Variants in NXF3 observed in about 807,000 individuals in gnomAD.
The protein encoded by NXF3 is nuclear RNA export factor 3, also known as TAP-like protein 3.
In NXF3, 34 loss-of-function variants were observed where a neutral mutation model predicts 48.4. That is an observed-to-expected ratio of 0.70 (90% CI 0.53 to 0.93). The LOEUF (loss-of-function observed/expected upper bound fraction) is 0.93, where lower values mean the gene tolerates loss of function less well. NXF3 is among the 40% of genes least tolerant of loss of function. NXF3 has a pLI of 0.00. For missense variants in NXF3, 359 were observed against 406.1 expected, an observed-to-expected ratio of 0.88 and a Z score of 1.00; for synonymous variants, 132 against 145.7, an observed-to-expected ratio of 0.91 and a Z score of 0.68.
At chrX:103,090,902 G>C (rs1178327189) in intron 1 of NXF3, among the ~76,000 whole-genome samples, 5 of 111,931 alleles carry the variant, frequency 4.5e-5, no homozygotes, top group African/African-American at 1.6e-4. Context: ...GTTTCCTTGG[G>C]ATATGTTCTT....
chrX:103,088,020 A>T (rs756142857), intron 1 of NXF3: 435 of 926,585 alleles, frequency 4.7e-4, no homozygotes, highest in Non-Finnish European at 6.3e-4. Flanking sequence ...ATATTGGTGA[A>T]TCTGAGTAGA....
At chrX:103,086,340 A>G (rs1308003911) in intron 1 of NXF3, among the ~76,000 whole-genome samples, 5 of 109,723 alleles carry the variant, frequency 4.6e-5, no homozygotes, top group African/African-American at 9.9e-5. Flanking sequence ...GGACCCGGGA[A>G]GCAGAGCTTG....
At chrX:103,092,962 A>G (rs1449707566) in intron 1 of NXF3, 34 bp downstream of exon 1, 1 of 1,195,181 alleles carries the variant, frequency 8.4e-7, no homozygotes, top group Non-Finnish European at 1.1e-6. Context: ...GCCCTGTGAG[A>G]CCTGAGACTC....
chrX:103,079,838 T>C lies in NXF3; in HGVS notation c.1085A>G (p.Gln362Arg). ...ATCGTGGTAAGCACTAAGGAGACCC[T>C]GTCGATCTCCAGAGTCATAGATCAA... ...YYLIYDSGDR[Q>R]GLLSAYHDEA... is the part of the protein sequence containing the mutation. Residue 362 changes from glutamine (Q) to arginine (R), a missense_variant, in exon 13 of 20, where the codon CAG becomes CGG. Physicochemically the swap from Gln to Arg is conservative, Grantham distance 43. Coordinates refer to ENST00000395065, the MANE Select transcript of NXF3 (RefSeq NM_022052.2). The C allele has an allele frequency of 8.3e-7, 1 of 1,210,491 alleles. No homozygotes were observed. Among genetic ancestry groups the C allele is most frequent in the Non-Finnish European group, 1.1e-6 (1 of 894,591 alleles).
At chrX:103,085,237 T>C (rs759184816) in intron 1 of NXF3, among the ~76,000 whole-genome samples, 77 of 111,876 alleles carry the variant, frequency 6.9e-4, no homozygotes, top group Non-Finnish European at 1.3e-3. Flanking sequence ...AAGACTTCAC[T>C]GTGGTTTCAC....
rs979044762 is a variant in NXF3, at chrX:103,083,697, G to C, written c.352-5C>G. 1.3e-5 allele frequency: 15 copies of C among 1,182,634 alleles called. No individual in the cohort carries two copies. Among genetic ancestry groups the C allele is most frequent in the African/African-American group, 1.8e-5 (1 of 56,653 alleles). On this transcript the variant is annotated splice_region_variant and splice_polypyrimidine_tract_variant and intron_variant, in intron 3 of 19. Transcript: ENST00000395065. ...GTATTTTATGCCAAAGGGAACCTATGAGTGAAAGAAAGAATGAGTGAGGAA... is the reference window on the plus strand; with the variant it reads ...GTATTTTATGCCAAAGGGAACCTATCAGTGAAAGAAAGAATGAGTGAGGAA...
chrX:103,085,685 C>T (rs1175460773), intron 1 of NXF3, among the ~76,000 whole-genome samples: 9 of 110,048 alleles, frequency 8.2e-5, no homozygotes, highest in East Asian at 2.9e-4. Context: ...AGGTGTATCA[C>T]GAGGTCAGGA....
chrX:103,082,963 C>T (rs2147593451), intron 7 of NXF3, 41 bp downstream of exon 7: 2 of 1,172,217 alleles, frequency 1.7e-6, no homozygotes, highest in Non-Finnish European at 2.3e-6. Flanking sequence ...ACACAGACAC[C>T]TCTGCCCTCA....
chrX:103,090,585 C>T (rs1922249718), intron 1 of NXF3, among the ~76,000 whole-genome samples: 1 of 112,118 alleles, frequency 8.9e-6, no homozygotes, highest in Non-Finnish European at 1.9e-5. Context: ...AATTATCCTA[C>T]CATACTTAAA....
chrX:103,084,996 GC>G (rs1922110652), intron 1 of NXF3, 113 bp from the exon 2 acceptor site: 1 of 720,414 alleles, frequency 1.4e-6, no homozygotes, highest in African/African-American at 2.1e-5. Context: ...TCAGGATCTG[GC>G]TCTACTGCCC....
intron 9 of NXF3, chrX:103,081,967 A>C: frequency 2.9e-5 from 9 of 306,047 alleles, no homozygotes; most frequent in East Asian, 5.5e-5. Flanking sequence ...GTCCTGGGGA[A>C]GTGGGGGAGC....
At position 103,083,001 on chromosome X, in the gene NXF3, T is replaced by C. The variant is rs755292699; in HGVS notation, c.691+3A>G. ...TACCATAGAATTACTTTCTCAGCCA[T>C]ACCTGGGTAAAATGGGAGTCTCTGG... On this transcript the variant is annotated splice_donor_region_variant and intron_variant, in intron 7 of 19. Transcript: ENST00000395065. The C allele has an allele frequency of 4.1e-6, 5 of 1,205,160 alleles. No homozygotes were observed. Among genetic ancestry groups the C allele is most frequent in the South Asian group, 3.5e-5 (2 of 56,751 alleles).
chrX:103,091,984 C>CAAAAA (rs59377364), intron 1 of NXF3, among the ~76,000 whole-genome samples: 169 of 47,697 alleles, frequency 3.5e-3, no homozygotes, highest in Non-Finnish European at 4.3e-3. Context: ...GACTCCATCA[C>CAAAAA]AAAAAAAAAA....
At chrX:103,087,229 A>G in intron 1 of NXF3, 1 of 864,358 alleles carries the variant, frequency 1.2e-6, no homozygotes, top group Non-Finnish European at 1.7e-6. Flanking sequence ...AATGCTAAAG[A>G]TTCAACAGTG....
rs750368543 is a variant in NXF3, at chrX:103,082,990, T to C, written c.691+14A>G. 3 of 1,201,013 alleles carry C rather than the reference T, an allele frequency of 2.5e-6. No individual in the cohort carries two copies. In the Admixed American group the frequency reaches 6.5e-5, roughly 26 times the overall value. Reference sequence around the variant, plus strand: ...CTGCCCTCATCTACCATAGAATTACTTTCTCAGCCATACCTGGGTAAAATG... The same window carrying C: ...CTGCCCTCATCTACCATAGAATTACCTTCTCAGCCATACCTGGGTAAAATG... On this transcript the variant is annotated intron_variant, in intron 7 of 19. Coordinates refer to ENST00000395065, the MANE Select transcript of NXF3 (RefSeq NM_022052.2).
At chrX:103,085,900 C>CAAAAAAAAAAAA (rs56135590) in intron 1 of NXF3, among the ~76,000 whole-genome samples, 12 of 43,520 alleles carry the variant, frequency 2.8e-4, no homozygotes, top group Admixed American at 9.9e-4. Flanking sequence ...GAGACTCTGT[C>CAAAAAAAAAAAA]AAAAAAAAAA....
intron 13 of NXF3, 52 bp from the exon 14 acceptor site, chrX:103,079,694 C>CCAGTG (rs1921961152): frequency 8.4e-7 from 1 of 1,186,713 alleles, no homozygotes; most frequent in African/African-American, 1.8e-5. Context: ...GCAGGCATCT[C>CCAGTG]CAGGAGCTGG....
At chrX:103,087,634 C>G in intron 1 of NXF3, 1 of 984,908 alleles carries the variant, frequency 1.0e-6, no homozygotes, top group African/African-American at 1.9e-5. Context: ...GCTCTAAGTC[C>G]GATCCCACAT....
chrX:103,080,206 T>G lies in NXF3; in HGVS notation c.938A>C (p.Gln313Pro), dbSNP rs1921975069. 4 of 1,211,321 alleles carry G rather than the reference T, an allele frequency of 3.3e-6. No homozygotes were observed. The highest frequency in any genetic ancestry group is 4.5e-6 in the Non-Finnish European group (4 of 895,248). The change falls in exon 11 of 20, where the codon CAG becomes CCG. Residue 313 changes from glutamine (Q) to proline (P), a missense_variant. Transcript: ENST00000395065. ...FPKLLCLDGQ[Q>P]SPRATLCGTE... ...ACCACATAAAGTTGCTCTGGGTGAC[T>G]GCTGGCCATCCTGGGGAAGGCAAGA...
Sources: gnomAD v4.1 joint callset for allele counts (sites outside exome capture counted in the v4.1 genomes callset) on GRCh38, gnomAD v4.1.1 for gene constraint, MANE v1.5 for transcripts, NCBI Gene and HGNC (gene_info 2026-07-23, HGNC 2026-07-21) for gene names.